The following STK32B variants were observed in gnomAD, a reference collection of about 807,000 sequenced individuals.
The protein encoded by STK32B is serine/threonine-protein kinase 32B.
STK32B carries 43 observed loss-of-function variants against 52.6 expected under a neutral mutation model. The observed-to-expected ratio is 0.82, with a 90% CI of 0.64 to 1.05. The LOEUF (loss-of-function observed/expected upper bound fraction) is 1.05. STK32B is among the 50% of genes least tolerant of loss of function. STK32B has a pLI of 0.00. For missense variants in STK32B, 621 were observed against 534.6 expected (o/e 1.16, Z -1.59); for synonymous variants, 238 against 204.3 (o/e 1.17, Z -1.41).
intron 3 of STK32B, among the ~76,000 whole-genome samples, chr4:5,284,998 A>G (rs955206101): frequency 4.6e-5 from 7 of 151,180 alleles, no homozygotes; most frequent in Non-Finnish European, 1.0e-4. Context: ...GTTGCCCACC[A>G]TTTTAAACAA....
the STK32B span, among the ~76,000 whole-genome samples, chr4:5,045,578 T>C: frequency 6.6e-6 from 1 of 152,222 alleles, no homozygotes; most frequent in African/African-American, 2.4e-5. Context: ...TTGTATCCTC[T>C]CTTATTTCCT....
chr4:5,477,100 A>T lies in STK32B; in HGVS notation c.1106+9030A>T, dbSNP rs75726033. On this transcript the variant is annotated intron_variant, in intron 11 of 11. Coordinates refer to ENST00000282908, the MANE Select transcript of STK32B (RefSeq NM_018401.3). ...TTTGCTAAGCAGAGCAAGGAAACAA[A>T]TATACCTTCCAGGAACTTAAAAGGC... Among the ~76,000 whole-genome samples, 88 of 152,304 alleles carry T rather than the reference A, an allele frequency of 5.8e-4. 1 individual carries two copies. The East Asian group carries it at 0.016, about 28-fold the overall frequency.
At position 5,482,218 on chromosome 4, in the gene STK32B, T is replaced by C. The variant is rs532056696; in HGVS notation, c.1106+14148T>C. ...GATATTGATTCTTCCTACCCATGAA[T>C]ATGGAATGTTCTTCCATTTGTTTGT... is the stretch of plus-strand genomic sequence containing the variant. On this transcript the variant is annotated intron_variant, in intron 11 of 11. Coordinates refer to ENST00000282908, the MANE Select transcript of STK32B (RefSeq NM_018401.3). Among the ~76,000 whole-genome samples, 463 of 152,292 alleles carry C rather than the reference T, an allele frequency of 3.0e-3. 4 individuals are homozygous for C. Among genetic ancestry groups the C allele is most frequent in the African/African-American group, 9.9e-3 (411 of 41,572 alleles).
At chr4:5,065,737 G>C (rs1385618877) in intron 1 of STK32B, among the ~76,000 whole-genome samples, 1 of 151,536 alleles carries the variant, frequency 6.6e-6, no homozygotes, top group Non-Finnish European at 1.5e-5. Context: ...AATTTTTTTT[G>C]TTTTGAGACA....
Position 5,053,887 on chromosome 4 carries a change from G to C in STK32B, c.52+1972G>C, listed in dbSNP as rs570288918. On this transcript the variant is annotated intron_variant, in intron 1 of 11. Coordinates refer to ENST00000282908, the MANE Select transcript of STK32B (RefSeq NM_018401.3). ...CCAGCTACTCAGGAGGCTGAGGCAG[G>C]AGAATCGCTTGAACCCGGGAGGCGG... Among the ~76,000 whole-genome samples the C allele has an allele frequency of 5.9e-5, 9 of 152,226 alleles. No homozygotes were observed. The East Asian group carries it at 1.7e-3, about 29-fold the overall frequency.
intron 5 of STK32B, among the ~76,000 whole-genome samples, chr4:5,411,216 T>C (rs1442141941): frequency 6.6e-6 from 1 of 152,266 alleles, no homozygotes; most frequent in Non-Finnish European, 1.5e-5. Flanking sequence ...TTTGTATTTT[T>C]AGTAGAGATG....
At chr4:5,389,783 C>A (rs1259946080) in intron 4 of STK32B, among the ~76,000 whole-genome samples, 1 of 152,176 alleles carries the variant, frequency 6.6e-6, no homozygotes, top group African/African-American at 2.4e-5. Context: ...TGTCACCTTA[C>A]AGGGCAAAAG....
chr4:5,385,571 G>A (rs1277888606), intron 4 of STK32B, among the ~76,000 whole-genome samples: 1 of 151,994 alleles, frequency 6.6e-6, no homozygotes, highest in Non-Finnish European at 1.5e-5. Flanking sequence ...AGATTACTAG[G>A]TTGGAATTTT....
rs910904577 is a variant in STK32B, at chr4:5,468,751, C to T, written c.1106+681C>T. Among the ~76,000 whole-genome samples the T allele has an allele frequency of 1.2e-4, 18 of 152,042 alleles. No homozygotes were observed. In the South Asian group the frequency reaches 2.5e-3, roughly 21 times the overall value. On this transcript the variant is annotated intron_variant, in intron 11 of 11. Coordinates refer to ENST00000282908, the MANE Select transcript of STK32B (RefSeq NM_018401.3). Reference sequence around the variant, plus strand: ...ACAAAGCAGGCAGACACCTCAGGCTCGGTTCCAGCCAATGATAATATCTAG... The same window carrying T: ...ACAAAGCAGGCAGACACCTCAGGCTTGGTTCCAGCCAATGATAATATCTAG...
chr4:5,365,138 A>G (rs781042921), intron 4 of STK32B, among the ~76,000 whole-genome samples: 2 of 152,164 alleles, frequency 1.3e-5, no homozygotes, highest in Admixed American at 6.5e-5. Flanking sequence ...GGCCCCCCCA[A>G]AGTGCTGGGA....
intron 3 of STK32B, among the ~76,000 whole-genome samples, chr4:5,218,815 C>G (rs746522243): frequency 6.6e-6 from 1 of 152,208 alleles, no homozygotes; most frequent in African/African-American, 2.4e-5. Context: ...CTGCTTTTGG[C>G]GTGCTCTTGC....
At chr4:5,269,993 T>A (rs1727318491) in intron 3 of STK32B, among the ~76,000 whole-genome samples, 1 of 152,132 alleles carries the variant, frequency 6.6e-6, no homozygotes, top group African/African-American at 2.4e-5. Context: ...ATATACAAAC[T>A]GAAAGAGAAA....
intron 1 of STK32B, among the ~76,000 whole-genome samples, chr4:5,132,313 C>A (rs1489219585): frequency 6.6e-6 from 1 of 152,000 alleles, no homozygotes; most frequent in Non-Finnish European, 1.5e-5. Context: ...AATAAAAACA[C>A]ATGGACATAA....
intron 1 of STK32B, among the ~76,000 whole-genome samples, chr4:5,078,891 T>C (rs1712241866): frequency 6.6e-6 from 1 of 152,234 alleles, no homozygotes; most frequent in South Asian, 2.1e-4. Flanking sequence ...TAGCACCGGT[T>C]TTAGTGTATT....
intron 2 of STK32B, among the ~76,000 whole-genome samples, chr4:5,147,545 A>G (rs1013328595): frequency 5.3e-5 from 8 of 152,116 alleles, no homozygotes; most frequent in African/African-American, 1.9e-4. Context: ...CATTAAGAAC[A>G]TCTTTACCTG....
chr4:5,027,110 G>A, the STK32B span, among the ~76,000 whole-genome samples: 7 of 152,168 alleles, frequency 4.6e-5, no homozygotes, highest in African/African-American at 1.7e-4. Flanking sequence ...TGCTCCTGTT[G>A]ATATTGGTAT....
intron 3 of STK32B, among the ~76,000 whole-genome samples, chr4:5,317,030 GATATA>G (rs1220051652): frequency 1.8e-4 from 4 of 22,136 alleles, no homozygotes; most frequent in Non-Finnish European, 2.5e-4. Context: ...TAATATATAT[GATATA>G]ATATATTATA....
In STK32B at chr4:5,394,855, A is replaced by C. The variant is rs531642337; in HGVS notation, c.435-3352A>C. Among the ~76,000 whole-genome samples, 1 of 152,380 alleles carries C rather than the reference A, an allele frequency of 6.6e-6. No homozygotes were observed. Among genetic ancestry groups the C allele is most frequent in the South Asian group, 2.1e-4 (1 of 4,828 alleles). The stretch of plus-strand genomic sequence containing the variant: ...ATTAGTTTTCTATTGTTGTGAAACT[A>C]ATTACCACTAACTTAACAACTTAAA... On this transcript the variant is annotated intron_variant, in intron 4 of 11. Coordinates refer to ENST00000282908, the MANE Select transcript of STK32B (RefSeq NM_018401.3). This position sits in a 1 kb window ranked among gnomAD's most constrained non-coding sequence, Gnocchi z 4.2.
chr4:5,160,764 G>A (rs10023979), intron 2 of STK32B, among the ~76,000 whole-genome samples: 103,037 of 152,068 alleles, frequency 0.68, 35,955 homozygotes, highest in African/African-American at 0.86. Context: ...TCAGTAGGGG[G>A]AGTGGACAAT....
Sources: allele counts gnomAD v4.1 joint callset (sites outside exome capture counted in the v4.1 genomes callset), GRCh38; gene constraint gnomAD v4.1.1; non-coding constraint Gnocchi (gnomAD v3.1); transcripts MANE v1.5; gene names NCBI Gene and HGNC (gene_info 2026-07-23, HGNC 2026-07-21).